The following DPY19L2 variants were observed in gnomAD, a reference collection of about 807,000 sequenced individuals.
The protein encoded by DPY19L2 is dpy-19 like 2.
DPY19L2 carries 34 observed loss-of-function variants against 97.9 expected under a neutral mutation model. The ratio of observed to expected loss-of-function variants is 0.35; its 90% CI spans 0.26 to 0.46. The LOEUF (loss-of-function observed/expected upper bound fraction) is 0.46. Ranked by LOEUF, DPY19L2 falls within the 20% of genes least tolerant of loss-of-function variation. DPY19L2 has a pLI of 1.00. For synonymous variants in DPY19L2, 230 were observed against 307.9 expected (o/e 0.75, Z 2.65); for missense variants, 623 against 911.4 (o/e 0.68, Z 4.07).
At chr12:63,604,262 G>A (rs1178287688) in intron 12 of DPY19L2, among the ~76,000 whole-genome samples, 1 of 152,146 alleles carries the variant, frequency 6.6e-6, no homozygotes, top group Non-Finnish European at 1.5e-5. Flanking sequence ...CTGCTTTCAA[G>A]ATTTTTTTCT....
chr12:63,657,757 T>C (rs1294643744), intron 4 of DPY19L2, among the ~76,000 whole-genome samples: 1 of 152,132 alleles, frequency 6.6e-6, no homozygotes, highest in Non-Finnish European at 1.5e-5. Context: ...GGGAAAACTT[T>C]CTCTAAATAC....
chr12:63,580,529 T>C, intron 19 of DPY19L2, 133 bp downstream of exon 19: 1 of 934,252 alleles, frequency 1.1e-6, no homozygotes, highest in South Asian at 3.1e-5. Flanking sequence ...TCTGTGAGAG[T>C]ATGAATGCCT....
intron 6 of DPY19L2, among the ~76,000 whole-genome samples, chr12:63,643,410 G>A (rs1892976368): frequency 6.6e-6 from 1 of 151,890 alleles, no homozygotes; most frequent in African/African-American, 2.4e-5. Flanking sequence ...TAAGCCCCAT[G>A]AAAACTCAAT....
chr12:63,651,001 C>T (rs1381311950), intron 4 of DPY19L2, among the ~76,000 whole-genome samples: 2 of 152,136 alleles, frequency 1.3e-5, no homozygotes, highest in Admixed American at 1.3e-4. Flanking sequence ...CAACTTCAAA[C>T]TATATTTCAA....
rs532629728 is a variant in DPY19L2 at position 63,631,119 on chromosome 12, A to C, written c.804-4593T>G. ...AAATGCCCACAAGAGAAAGCAGGACAGATCTAAAATTGACACCCTAACATC... is the reference window on the plus strand; with the variant it reads ...AAATGCCCACAAGAGAAAGCAGGACCGATCTAAAATTGACACCCTAACATC... On this transcript the variant is annotated intron_variant, in intron 6 of 21. Transcript: ENST00000324472. 2.4e-4 allele frequency among the ~76,000 whole-genome samples: 37 copies of C among 152,284 alleles called. 1 individual carries two copies. In the East Asian group the frequency reaches 5.4e-3, roughly 22 times the overall value.
intron 7 of DPY19L2, among the ~76,000 whole-genome samples, chr12:63,625,763 T>C (rs1889425871): frequency 1.3e-5 from 2 of 152,050 alleles, no homozygotes; most frequent in South Asian, 4.1e-4. Context: ...GCCTCTTTCA[T>C]TGTTGTTAAG....
rs1247622250 is a variant in DPY19L2, at chr12:63,639,865, G to A, written c.803+4538C>T. On this transcript the variant is annotated intron_variant, in intron 6 of 21. Transcript: ENST00000324472. Reference sequence around the variant, plus strand: ...CCCATTACTGGGTATATACCCAAAGGATTATAAATCATGCTGCTATAAAGA... The same window carrying A: ...CCCATTACTGGGTATATACCCAAAGAATTATAAATCATGCTGCTATAAAGA... 3.9e-5 allele frequency among the ~76,000 whole-genome samples: 6 copies of A among 152,238 alleles called. No homozygotes were observed. In the East Asian group the frequency reaches 7.7e-4, roughly 20 times the overall value.
chr12:63,568,022 CT>C (rs199713395), intron 21 of DPY19L2, among the ~76,000 whole-genome samples: 2,778 of 152,016 alleles, frequency 0.018, 75 homozygotes, highest in African/African-American at 0.063. Flanking sequence ...AAGTTAGTAG[CT>C]TTTATCAAAC....
At chr12:63,664,808 C>T (rs1421199868) in intron 2 of DPY19L2, among the ~76,000 whole-genome samples, 1 of 152,086 alleles carries the variant, frequency 6.6e-6, no homozygotes, top group Non-Finnish European at 1.5e-5. Flanking sequence ...TTCCACTAAC[C>T]CTTCTTTACA....
intron 4 of DPY19L2, among the ~76,000 whole-genome samples, chr12:63,652,429 C>T (rs1168065692): frequency 6.6e-6 from 1 of 152,170 alleles, no homozygotes; most frequent in South Asian, 2.1e-4. Flanking sequence ...TAGGTATATA[C>T]CCAAAGGAAT....
rs184114140 is a variant in DPY19L2 at position 63,644,696 on chromosome 12, G to A, written c.710-200C>T. On this transcript the variant is annotated intron_variant, in intron 5 of 21. Transcript: ENST00000324472. Reference sequence around the variant, plus strand: ...CTTGCAGACACATATATATGTATGTGTGTATATATATGTGTGTGTATATAT... The same window carrying A: ...CTTGCAGACACATATATATGTATGTATGTATATATATGTGTGTGTATATAT... Among the ~76,000 whole-genome samples, 275 of 151,928 alleles carry A rather than the reference G, an allele frequency of 1.8e-3. 1 individual carries two copies. The highest frequency in any genetic ancestry group is 6.4e-3 in the African/African-American group (264 of 41,466).
chr12:63,638,692 C>T (rs145878251), intron 6 of DPY19L2, among the ~76,000 whole-genome samples: 2,481 of 152,082 alleles, frequency 0.016, 68 homozygotes, highest in African/African-American at 0.055. Context: ...CACTGCTCAA[C>T]GAAATCAAAG....
At chr12:63,567,475 C>T (rs966147709) in intron 21 of DPY19L2, among the ~76,000 whole-genome samples, 7 of 151,936 alleles carry the variant, frequency 4.6e-5, no homozygotes, top group Admixed American at 3.9e-4. Context: ...AATTTTTGTG[C>T]TACATGTATA....
chr12:63,658,170 A>G (rs569945798), intron 4 of DPY19L2, among the ~76,000 whole-genome samples: 3 of 152,202 alleles, frequency 2.0e-5, no homozygotes, highest in East Asian at 1.9e-4. Context: ...TATTAGGTGT[A>G]TTAGCCCTTT....
At chr12:63,626,677 T>TA (rs1323841651) in intron 6 of DPY19L2, 151 bp from the exon 7 acceptor site, 1 of 1,053,060 alleles carries the variant, frequency 9.5e-7, no homozygotes, top group Non-Finnish European at 1.3e-6. Context: ...GGTTGAAGTT[T>TA]AAATCCTGAA....
intron 11 of DPY19L2, among the ~76,000 whole-genome samples, chr12:63,609,418 G>A (rs1886593993): frequency 6.6e-6 from 1 of 152,044 alleles, no homozygotes; most frequent in South Asian, 2.1e-4. Flanking sequence ...TGGAGGGTGG[G>A]CCTCTAGGAA....
intron 21 of DPY19L2, among the ~76,000 whole-genome samples, chr12:63,567,667 G>A (rs1878005585): frequency 6.6e-6 from 1 of 152,022 alleles, no homozygotes; most frequent in Non-Finnish European, 1.5e-5. Context: ...CTCAGCAGCT[G>A]ATAGAACTTC....
At chr12:63,653,316 T>A (rs2138219669) in intron 4 of DPY19L2, among the ~76,000 whole-genome samples, 1 of 152,060 alleles carries the variant, frequency 6.6e-6, no homozygotes, top group East Asian at 1.9e-4. Context: ...ATCCCAGCAG[T>A]TTGGGTGGCC....
chr12:63,625,897 T>C (rs921424017), intron 7 of DPY19L2, among the ~76,000 whole-genome samples: 1 of 150,080 alleles, frequency 6.7e-6, no homozygotes, highest in Non-Finnish European at 1.5e-5. Flanking sequence ...AGATCATATG[T>C]TACTTATTCT....
Sources: gnomAD v4.1 joint callset for allele counts (sites outside exome capture counted in the v4.1 genomes callset) on GRCh38, gnomAD v4.1.1 for gene constraint, MANE v1.5 for transcripts, NCBI Gene and HGNC (gene_info 2026-07-23, HGNC 2026-07-21) for gene names.